Variants in RBM42 observed in about 807,000 individuals in gnomAD.
RBM42 encodes RNA binding motif protein 42.
RBM42 carries 21 observed loss-of-function variants against 41.4 expected under a neutral mutation model. That is an observed-to-expected ratio of 0.51 (90% confidence interval 0.36 to 0.73). The LOEUF (loss-of-function observed/expected upper bound fraction) is 0.73, where lower values mean the gene tolerates loss of function less well. RBM42 is among the 30% of genes least tolerant of loss of function. The pLI is 0.00. For missense variants in RBM42, 539 were observed against 680.4 expected (o/e 0.79, Z 2.31); for synonymous variants, 272 against 271.2 (o/e 1.00, Z -0.03).
intron 2 of RBM42, among the ~76,000 whole-genome samples, chr19:35,630,026 A>C (rs1217756653): frequency 2.6e-5 from 4 of 152,354 alleles, no homozygotes; most frequent in Admixed American, 1.3e-4. Context: ...AGATGAAAAT[A>C]GGCTGGGCGC....
In RBM42 at chr19:35,633,841, T is replaced by C. The variant is rs1040046425; in HGVS notation, c.839T>C (p.Ile280Thr). The C allele has an allele frequency of 9.6e-6, 15 of 1,559,672 alleles. No individual in the cohort carries two copies. Among genetic ancestry groups the C allele is most frequent in the South Asian group, 1.2e-5 (1 of 85,304 alleles). ...GGTGCCCCAGCTGGCCCTGCAGTCA[T>C]TGGGCCCAGCCTGCCGCTGGCCCTG... is the stretch of plus-strand genomic sequence containing the variant. ...AGGAPAGPAV[I>T]GPSLPLALAM... Residue 280 changes from isoleucine to threonine, a missense_variant, in exon 7 of 10, where the codon ATT (isoleucine) becomes ACT (threonine). Coordinates refer to ENST00000262633, the MANE Select transcript of RBM42 (RefSeq NM_024321.5).
chr19:35,631,017 G>A, intron 2 of RBM42, 123 bp from the exon 3 acceptor site: 1 of 838,772 alleles, frequency 1.2e-6, no homozygotes, highest in Admixed American at 2.0e-5. Flanking sequence ...TTTTAGCTAA[G>A]ACCTGAGATA....
Position 35,629,138 on chromosome 19 carries a change from A to C in RBM42, c.-16A>C. Reference sequence around the variant, plus strand: ...AAGCAGAGACTGTAGTAGCGGCGACAGCGACGACGGCAGCGATGGCTGGGG... The same window carrying C: ...AAGCAGAGACTGTAGTAGCGGCGACCGCGACGACGGCAGCGATGGCTGGGG... On this transcript the variant is annotated 5_prime_UTR_variant, in exon 1 of 10. Coordinates refer to ENST00000262633, the MANE Select transcript of RBM42 (RefSeq NM_024321.5). 6.6e-7 allele frequency: 1 copy of C among 1,521,616 alleles called. No homozygotes were observed. The highest frequency in any genetic ancestry group is 1.2e-5 in the South Asian group (1 of 82,790). 94.3% of individuals were successfully genotyped at this position (1,521,616 alleles called of 1,614,324 possible).
rs546445304 is a variant in RBM42, at chr19:35,629,933, AGTTC to A, written c.282+264_282+267del. Among the ~76,000 whole-genome samples, 461 of 152,334 alleles carry A rather than the reference AGTTC, an allele frequency of 3.0e-3. 3 individuals are homozygous for A. Among genetic ancestry groups the A allele is most frequent in the Non-Finnish European group, 5.0e-3 (343 of 68,032 alleles). On this transcript the variant is annotated intron_variant, in intron 2 of 9. Transcript: ENST00000262633. Reference sequence around the variant, plus strand: ...GATATATTTAAAATTTATATTTAATAGTTCGTTATTCTCATTAGTCACATTTCAA... The same window carrying A: ...GATATATTTAAAATTTATATTTAATAGTTATTCTCATTAGTCACATTTCAA...
intron 2 of RBM42, among the ~76,000 whole-genome samples, chr19:35,629,926 A>G (rs1337037733): frequency 6.6e-6 from 1 of 152,216 alleles, no homozygotes; most frequent in Admixed American, 6.6e-5. Flanking sequence ...TAAAATTTAT[A>G]TTTAATAGTT....
Position 35,630,558 on chromosome 19 carries a change from G to A in RBM42, c.283-582G>A, listed in dbSNP as rs573386288. On this transcript the variant is annotated intron_variant, in intron 2 of 9. Transcript: ENST00000262633. Reference sequence around the variant, plus strand: ...CAAGGCGGGTAGATCACAAGGTCAGGAGTTCAAGACCAACCTGGCCAACAT... The same window carrying A: ...CAAGGCGGGTAGATCACAAGGTCAGAAGTTCAAGACCAACCTGGCCAACAT... Among the ~76,000 whole-genome samples, 4 of 152,274 alleles carry A rather than the reference G, an allele frequency of 2.6e-5. No homozygotes were observed. In the South Asian group the frequency reaches 8.3e-4, roughly 32 times the overall value.
chr19:35,633,398 C>T, intron 6 of RBM42, 146 bp downstream of exon 6: 1 of 745,988 alleles, frequency 1.3e-6, no homozygotes, highest in Non-Finnish European at 2.2e-6. Context: ...CTGTCTCTTT[C>T]TGCATCTTTC....
chr19:35,630,660 G>A (rs993518144), intron 2 of RBM42, among the ~76,000 whole-genome samples: 8 of 152,078 alleles, frequency 5.3e-5, no homozygotes, highest in South Asian at 2.1e-4. Context: ...CAGCTACTCC[G>A]GAGGCTGAGG....
chr19:35,633,399 T>G (rs1245603887), intron 6 of RBM42, 147 bp downstream of exon 6: 8 of 747,026 alleles, frequency 1.1e-5, no homozygotes, highest in African/African-American at 1.8e-5. Context: ...TGTCTCTTTC[T>G]GCATCTTTCT....
At position 35,629,187 on chromosome 19, in the gene RBM42, G is replaced by A; in HGVS notation, c.34G>A (p.Gly12Ser). Reference protein sequence around the residue: ...AGAGPAPGLPGAGGPVVPGPG... With the variant: ...AGAGPAPGLPSAGGPVVPGPG... Reference sequence around the variant, plus strand: ...GGCGGGGCCAGCCCCGGGACTCCCGGGTGCAGGAGGACCCGTGGTCCCGGG... The same window carrying A: ...GGCGGGGCCAGCCCCGGGACTCCCGAGTGCAGGAGGACCCGTGGTCCCGGG... The change falls in exon 1 of 10, where the codon GGT (glycine) becomes AGT (serine). Residue 12 changes from glycine (G) to serine (S), a missense_variant. Coordinates refer to ENST00000262633, the MANE Select transcript of RBM42 (RefSeq NM_024321.5). The A allele has an allele frequency of 6.5e-7, 1 of 1,528,280 alleles. No individual in the cohort carries two copies. The highest frequency in any genetic ancestry group is 8.8e-7 in the Non-Finnish European group (1 of 1,141,864). 94.7% of individuals were successfully genotyped at this position (1,528,280 alleles called of 1,614,324 possible). A position where few individuals can be genotyped will look rare whatever the true frequency, so the allele number is the denominator to read the frequency against.
rs371025585 is a variant in RBM42 at position 35,637,166 on chromosome 19, C to T, written c.1144C>T (p.Arg382Trp). ...SLLEWDADDF[R>W]IFCGDLGNEV... ...CTCTTCCCCATCCCCAGATGACTTC[C>T]GGATCTTCTGTGGGGATCTGGGCAA... Residue 382 changes from arginine to tryptophan, a missense_variant, in exon 9 of 10, where the codon CGG becomes TGG. By Grantham distance (101) the Arg-to-Trp change is moderately radical. This residue lies in a region of RBM42 where 110 missense variants were observed against 191.5 expected (regional missense o/e 0.57). Transcript: ENST00000262633. The surrounding 1 kb of genome is among the most constrained non-coding windows in gnomAD (Gnocchi z 7.0). 1.1e-5 allele frequency: 17 copies of T among 1,613,064 alleles called. No homozygotes were observed. The highest frequency in any genetic ancestry group is 1.4e-5 in the Non-Finnish European group (17 of 1,179,534).
Position 35,633,868 on chromosome 19 carries a change from C to T in RBM42, c.866C>T (p.Ala289Val). Residue 289 changes from alanine (A) to valine (V), a missense_variant, in exon 7 of 10, where the codon GCC (alanine) becomes GTC (valine). By Grantham distance (64) the Ala-to-Val change is moderately conservative. Coordinates refer to ENST00000262633, the MANE Select transcript of RBM42 (RefSeq NM_024321.5). ...GGGCCCAGCCTGCCGCTGGCCCTGG[C>T]CATGCCATTGCCCGAGCCTGAGCCC... The part of the protein sequence containing the change: ...VIGPSLPLAL[A>V]MPLPEPEPLP... The T allele has an allele frequency of 6.3e-7, 1 of 1,590,310 alleles. No individual in the cohort carries two copies. The highest frequency in any genetic ancestry group is 2.3e-5 in the East Asian group (1 of 43,862).
At chr19:35,633,376 C>T in intron 6 of RBM42, 124 bp downstream of exon 6, 1 of 806,200 alleles carries the variant, frequency 1.2e-6, no homozygotes, top group East Asian at 2.6e-5. Flanking sequence ...CCTTCTCACT[C>T]TGCCTTTGTC....
chr19:35,632,899 C>T (rs753336439), intron 4 of RBM42, 37 bp from the exon 5 acceptor site: 4 of 845,284 alleles, frequency 4.7e-6, no homozygotes, highest in Non-Finnish European at 8.3e-6. Flanking sequence ...GTGCCCCTGT[C>T]CCCCATGACA....
In RBM42 at chr19:35,637,003, G is replaced by A. The variant is rs1022297172; in HGVS notation, c.1136-155G>A. 6.6e-6 allele frequency among the ~76,000 whole-genome samples: 1 copy of A among 152,028 alleles called. No individual in the cohort carries two copies. The highest frequency in any genetic ancestry group is 1.9e-4 in the East Asian group (1 of 5,166). Reference sequence around the variant, plus strand: ...GGAAACACCCCTCCAGGTGCCAGCAGAGCTCCTGGCGCAGGGTCAGTAGGT... The same window carrying A: ...GGAAACACCCCTCCAGGTGCCAGCAAAGCTCCTGGCGCAGGGTCAGTAGGT... On this transcript the variant is annotated intron_variant, in intron 8 of 9. Coordinates refer to ENST00000262633, the MANE Select transcript of RBM42 (RefSeq NM_024321.5). The surrounding 1 kb of genome is among the most constrained non-coding windows in gnomAD (Gnocchi z 7.0).
At chr19:35,637,000 G>A (rs1010452400) in intron 8 of RBM42, among the ~76,000 whole-genome samples, 158 bp from the exon 9 acceptor site, 1 of 152,046 alleles carries the variant, frequency 6.6e-6, no homozygotes, top group African/African-American at 2.4e-5. Context: ...CCAGGTGCCA[G>A]CAGAGCTCCT....
At chr19:35,635,371 A>AG (rs1243869320) in intron 8 of RBM42, among the ~76,000 whole-genome samples, 3 of 151,970 alleles carry the variant, frequency 2.0e-5, no homozygotes, top group African/African-American at 7.2e-5. Context: ...ACTATTATCA[A>AG]GTCTAAGAAC....
At position 35,637,594 on chromosome 19, in the gene RBM42, T is replaced by A; in HGVS notation, c.*40T>A. ...CACCCGCTCCCACCTGGCCGGGCGC[T>A]GGCTCCTCCCTCAGTTCTCTTTGGA... On this transcript the variant is annotated 3_prime_UTR_variant, in exon 10 of 10. Coordinates refer to ENST00000262633, the MANE Select transcript of RBM42 (RefSeq NM_024321.5). This position sits in a 1 kb window ranked among gnomAD's most constrained non-coding sequence, Gnocchi z 7.0. The A allele has an allele frequency of 6.0e-6, 9 of 1,510,948 alleles. No individual in the cohort carries two copies. Among genetic ancestry groups the A allele is most frequent in the Non-Finnish European group, 7.3e-6 (8 of 1,092,482 alleles). 93.6% of individuals were successfully genotyped at this position (1,510,948 alleles called of 1,614,324 possible). A position where few individuals can be genotyped will look rare whatever the true frequency, so the allele number is the denominator to read the frequency against.
intron 5 of RBM42, 37 bp downstream of exon 5, chr19:35,633,038 C>G (rs756412574): frequency 6.3e-7 from 1 of 1,596,064 alleles, no homozygotes; most frequent in Non-Finnish European, 8.6e-7. Flanking sequence ...CCACATAACT[C>G]CCCCCAGGCC....
Sources: allele counts gnomAD v4.1 joint callset (sites outside exome capture counted in the v4.1 genomes callset), GRCh38; gene constraint gnomAD v4.1.1; regional missense constraint gnomAD v4.1.1; non-coding constraint Gnocchi (gnomAD v3.1); transcripts MANE v1.5; gene names NCBI Gene and HGNC (gene_info 2026-07-23, HGNC 2026-07-21).